Variants in GRK5 observed in about 807,000 individuals in gnomAD.
GRK5 encodes g protein-coupled receptor kinase GRK5.
GRK5 carries 40 observed loss-of-function variants against 78.4 expected under a neutral mutation model. The observed-to-expected ratio is 0.51, with a 90% confidence interval of 0.40 to 0.66. The LOEUF (loss-of-function observed/expected upper bound fraction) is 0.66. GRK5 is among the 30% of genes least tolerant of loss of function. The probability of loss-of-function intolerance (pLI) is 0.00; values close to 1 mark genes in which losing one functional copy is unlikely to be tolerated. For missense variants in GRK5, 598 were observed against 759.9 expected, an observed-to-expected ratio of 0.79 and a Z score of 2.50; for synonymous variants, 289 against 296.8, an observed-to-expected ratio of 0.97 and a Z score of 0.27.
rs1852787857 is a variant in GRK5, at chr10:119,430,233, G to A, written c.534-142G>A. The A allele has an allele frequency of 4.1e-6, 3 of 729,118 alleles. No homozygotes were observed. The highest frequency in any genetic ancestry group is 4.8e-5 in the Admixed American group (2 of 41,368). 45.2% of individuals were successfully genotyped at this position (729,118 alleles called of 1,614,324 possible). A position where few individuals can be genotyped will look rare whatever the true frequency, so the allele number is the denominator to read the frequency against. The stretch of plus-strand genomic sequence containing the variant: ...AGTCCTCGAAGGTCCAGTCTCCAGC[G>A]ATGATTCCTGGGGGGTCCCTGGGGC... On this transcript the variant is annotated intron_variant, in intron 6 of 15. Transcript: ENST00000392870. This position sits in a 1 kb window ranked among gnomAD's most constrained non-coding sequence, Gnocchi z 4.5.
chr10:119,446,073 C>T (rs181401617), intron 12 of GRK5, among the ~76,000 whole-genome samples: 2 of 152,334 alleles, frequency 1.3e-5, no homozygotes, highest in East Asian at 1.9e-4. Context: ...GCCTTTCAGC[C>T]GTCTTGGTCT....
chr10:119,394,357 TGTGG>T (rs1851975004), intron 3 of GRK5, among the ~76,000 whole-genome samples: 1 of 95,732 alleles, frequency 1.0e-5, no homozygotes, highest in Non-Finnish European at 2.3e-5. Context: ...CATGTGGGTG[TGTGG>T]GTGTGTGTGG....
intron 1 of GRK5, among the ~76,000 whole-genome samples, chr10:119,220,002 C>T (rs1289864883): frequency 1.3e-5 from 2 of 152,198 alleles, no homozygotes; most frequent in African/African-American, 2.4e-5. Flanking sequence ...GGCTGATGAC[C>T]TGGCATTTGA....
chr10:119,220,923 G>A (rs145853101), intron 1 of GRK5, among the ~76,000 whole-genome samples: 249 of 152,086 alleles, frequency 1.6e-3, no homozygotes, highest in African/African-American at 5.8e-3. Flanking sequence ...GGAGGCTGAG[G>A]CTGGCAGATC....
At chr10:119,224,072 T>C (rs1334689966) in intron 1 of GRK5, among the ~76,000 whole-genome samples, 3 of 152,170 alleles carry the variant, frequency 2.0e-5, no homozygotes. Context: ...GGAAGATCAC[T>C]TGAGCCAGGA....
At position 119,379,986 on chromosome 10, in the gene GRK5, G is replaced by A. The variant is rs1301768713; in HGVS notation, c.149-829G>A. On this transcript the variant is annotated intron_variant, in intron 2 of 15. Transcript: ENST00000392870. This position sits in a 1 kb window ranked among gnomAD's most constrained non-coding sequence, Gnocchi z 4.1. ...TCTTGGCTATTGAGTGGGTAAGCGC[G>A]GGTGACTTCCTGTCTCTGTGCCTTT... is the stretch of plus-strand genomic sequence containing the variant. 5.3e-5 allele frequency among the ~76,000 whole-genome samples: 8 copies of A among 152,110 alleles called. No individual in the cohort carries two copies. The highest frequency in any genetic ancestry group is 1.9e-4 in the African/African-American group (8 of 41,392).
intron 2 of GRK5, among the ~76,000 whole-genome samples, chr10:119,341,458 C>T (rs1850979381): frequency 6.6e-6 from 1 of 152,200 alleles, no homozygotes; most frequent in African/African-American, 2.4e-5. Context: ...GGGCTGTTCC[C>T]TCTGCTGGAT....
chr10:119,430,244 G>C lies in GRK5; in HGVS notation c.534-131G>C. 1 of 770,034 alleles carries C rather than the reference G, an allele frequency of 1.3e-6. No homozygotes were observed. Among genetic ancestry groups the C allele is most frequent in the Non-Finnish European group, 2.3e-6 (1 of 439,408 alleles). The allele number at this position is 770,034 out of a possible 1,614,324, so 47.7% of individuals were successfully genotyped here. On this transcript the variant is annotated intron_variant, in intron 6 of 15. Transcript: ENST00000392870. This position sits in a 1 kb window ranked among gnomAD's most constrained non-coding sequence, Gnocchi z 4.5. Reference sequence around the variant, plus strand: ...GTCCAGTCTCCAGCGATGATTCCTGGGGGGTCCCTGGGGCTGCTGTGGGGC... The same window carrying C: ...GTCCAGTCTCCAGCGATGATTCCTGCGGGGTCCCTGGGGCTGCTGTGGGGC...
chr10:119,395,872 C>T (rs1230502063), intron 3 of GRK5, among the ~76,000 whole-genome samples: 3 of 152,014 alleles, frequency 2.0e-5, no homozygotes, highest in Non-Finnish European at 4.4e-5. Flanking sequence ...ATGCAAGTCC[C>T]TTCCCACCGC....
intron 3 of GRK5, among the ~76,000 whole-genome samples, chr10:119,390,353 CAA>C (rs796245297): frequency 7.2e-5 from 11 of 152,252 alleles, no homozygotes; most frequent in African/African-American, 2.4e-4. Flanking sequence ...TGGCGGGAGA[CAA>C]GAGAAGAGAG....
At chr10:119,441,258 G>A (rs1166762850) in intron 10 of GRK5, among the ~76,000 whole-genome samples, 1 of 152,206 alleles carries the variant, frequency 6.6e-6, no homozygotes, top group Admixed American at 6.5e-5. Flanking sequence ...CAGCCTGGCG[G>A]GGTCTCGACA....
At chr10:119,411,336 T>G (rs1852332586) in intron 4 of GRK5, among the ~76,000 whole-genome samples, 1 of 152,128 alleles carries the variant, frequency 6.6e-6, no homozygotes, top group Non-Finnish European at 1.5e-5. Context: ...TCACTCCCAC[T>G]TTCTCCTCCG....
At position 119,273,794 on chromosome 10, in the gene GRK5, G is replaced by A. The variant is rs115725156; in HGVS notation, c.53-52722G>A. ...CTCAATCCTATGTGTTCTTTTTTTT[G>A]ATGGAGTCTCGCTCTGTCACCAAGG... On this transcript the variant is annotated intron_variant, in intron 1 of 15. Coordinates refer to ENST00000392870, the MANE Select transcript of GRK5 (RefSeq NM_005308.3). Among the ~76,000 whole-genome samples the A allele has an allele frequency of 2.6e-3, 394 of 151,744 alleles. 1 individual carries two copies. The highest frequency in any genetic ancestry group is 0.01 in the Middle Eastern group (3 of 294).
chr10:119,258,698 T>C (rs1369918360), intron 1 of GRK5, among the ~76,000 whole-genome samples: 1 of 152,148 alleles, frequency 6.6e-6, no homozygotes, highest in Non-Finnish European at 1.5e-5. Flanking sequence ...TCTGGTGCAA[T>C]GATTTGAGTG....
intron 2 of GRK5, among the ~76,000 whole-genome samples, chr10:119,380,058 A>C (rs1241287763): frequency 6.6e-6 from 1 of 152,210 alleles, no homozygotes; most frequent in Admixed American, 6.5e-5. Flanking sequence ...GAAGCATCCT[A>C]AGACTGGGCT....
chr10:119,298,068 C>G (rs986950392), intron 1 of GRK5, among the ~76,000 whole-genome samples: 2 of 152,206 alleles, frequency 1.3e-5, no homozygotes, highest in Admixed American at 6.5e-5. Context: ...CAGGCCTCAG[C>G]ATTCTGGGGG....
intron 15 of GRK5, among the ~76,000 whole-genome samples, chr10:119,454,297 T>G (rs572254696): frequency 6.6e-6 from 1 of 152,198 alleles, no homozygotes; most frequent in African/African-American, 2.4e-5. Flanking sequence ...CTGAGACTTC[T>G]TGGTTATGTG....
At chr10:119,301,355 C>T (rs957825927) in intron 1 of GRK5, among the ~76,000 whole-genome samples, 3 of 152,194 alleles carry the variant, frequency 2.0e-5, no homozygotes, top group Non-Finnish European at 4.4e-5. Context: ...GCTCCTTTCA[C>T]TCACCATTGT....
chr10:119,365,279 T>C lies in GRK5; in HGVS notation c.149-15536T>C, dbSNP rs541453799. 2.6e-5 allele frequency among the ~76,000 whole-genome samples: 4 copies of C among 152,352 alleles called. No homozygotes were observed. In the East Asian group the frequency reaches 7.7e-4, roughly 29 times the overall value. ...AGCAGTGGTATTGCATGCTGACAAATTGATTGTGCTCTTTTACTTAGATAA... is the reference window on the plus strand; with the variant it reads ...AGCAGTGGTATTGCATGCTGACAAACTGATTGTGCTCTTTTACTTAGATAA... On this transcript the variant is annotated intron_variant, in intron 2 of 15. Coordinates refer to ENST00000392870, the MANE Select transcript of GRK5 (RefSeq NM_005308.3).
Sources: gnomAD v4.1 joint callset for allele counts (sites outside exome capture counted in the v4.1 genomes callset) on GRCh38, gnomAD v4.1.1 for gene constraint, Gnocchi (gnomAD v3.1) non-coding constraint, MANE v1.5 for transcripts, NCBI Gene and HGNC (gene_info 2026-07-23, HGNC 2026-07-21) for gene names.